The following GRM4 variants were observed in gnomAD, a reference collection of about 807,000 sequenced individuals.
GRM4 encodes glutamate metabotropic receptor 4, also known as metabotropic glutamate receptor 4.
In GRM4, 28 loss-of-function variants were observed where a neutral mutation model predicts 81.7. The observed-to-expected ratio is 0.34, with a 90% CI of 0.25 to 0.47. The LOEUF (loss-of-function observed/expected upper bound fraction) is 0.47, where lower values mean the gene tolerates loss of function less well. Ranked by LOEUF, GRM4 falls within the 20% of genes least tolerant of loss-of-function variation. GRM4 has a pLI of 1.00. For synonymous variants in GRM4, 488 were observed against 528.8 expected, an observed-to-expected ratio of 0.92 and a Z score of 1.06; for missense variants, 948 against 1,290.0, an observed-to-expected ratio of 0.73 and a Z score of 4.06.
Position 34,114,953 on chromosome 6 carries a change from A to T in GRM4, c.519+18025T>A, listed in dbSNP as rs543490716. ...ATCAAATGGAATCCATTCAAAACAC[A>T]GCCCAGGAAGCATGTCCATTAAGAG... On this transcript the variant is annotated intron_variant, in intron 2 of 10. Transcript: ENST00000538487. The surrounding 1 kb of genome is among the most constrained non-coding windows in gnomAD (Gnocchi z 4.3). Among the ~76,000 whole-genome samples, 1 of 152,334 alleles carries T rather than the reference A, an allele frequency of 6.6e-6. No homozygotes were observed. The highest frequency in any genetic ancestry group is 1.9e-4 in the East Asian group (1 of 5,176).
intron 10 of GRM4, chr6:34,024,172 G>C (rs186809966): frequency 5.8e-5 from 9 of 156,124 alleles, no homozygotes; most frequent in Admixed American, 5.5e-4. Flanking sequence ...ACATGACTCT[G>C]AAGGACTAGG....
Position 34,028,112 on chromosome 6 carries a change from G to C in GRM4, c.2689+8C>G, listed in dbSNP as rs778578940. ...GCCCGAGAGGGCAGAACGGGGCCAG[G>C]CACTCACCTGGGGCCTCAAGGTTCT... On this transcript the variant is annotated splice_region_variant and intron_variant, in intron 10 of 10. Transcript: ENST00000538487. 3 of 1,608,172 alleles carry C rather than the reference G, an allele frequency of 1.9e-6. No homozygotes were observed. The highest frequency in any genetic ancestry group is 2.2e-5 in the South Asian group (2 of 90,626).
Position 34,040,243 on chromosome 6 carries a change from G to T in GRM4, c.1441C>A (p.Gln481Lys), listed in dbSNP as rs1429534307. ...TACTCGGCAGAATCGTTGCGCAGCT[G>T]GTATTGGTAGATGTCATAGCGCCCA... ...APGRYDIYQYQLRNDSAEYKV... is the reference protein window; with the variant it reads ...APGRYDIYQYKLRNDSAEYKV... Residue 481 changes from glutamine to lysine, a missense_variant, in exon 8 of 11, where the codon CAG becomes AAG. Coordinates refer to ENST00000538487, the MANE Select transcript of GRM4 (RefSeq NM_000841.4). 1 of 1,614,046 alleles carries T rather than the reference G, an allele frequency of 6.2e-7. No individual in the cohort carries two copies.
chr6:34,139,118 G>A (rs1770577750), intron 1 of GRM4, among the ~76,000 whole-genome samples: 1 of 152,226 alleles, frequency 6.6e-6, no homozygotes, highest in South Asian at 2.1e-4. Flanking sequence ...AGCACAGTGG[G>A]GGTCTGGCCC....
chr6:34,107,368 G>A (rs963710312), intron 2 of GRM4, among the ~76,000 whole-genome samples: 16 of 152,270 alleles, frequency 1.1e-4, no homozygotes, highest in African/African-American at 3.6e-4. Context: ...CCCTCTATGT[G>A]CCTGGCGCCA....
rs558431606 is a variant in GRM4, at chr6:34,069,204, ACG to A, written c.737-7178_737-7177del. On this transcript the variant is annotated intron_variant, in intron 3 of 10. Transcript: ENST00000538487. The surrounding 1 kb of genome is among the most constrained non-coding windows in gnomAD (Gnocchi z 6.4). ...CACACACACACACACACACACACAC[ACG>A]CACGCACACACGGCTCCTTCCTTCT... Among the ~76,000 whole-genome samples the A allele has an allele frequency of 0.15, 20,459 of 135,350 alleles. 1,813 individuals carry two copies. Among genetic ancestry groups the A allele is most frequent in the East Asian group, 0.35 (1,582 of 4,542 alleles). 88.8% of individuals were successfully genotyped at this position (135,350 alleles called of 152,430 possible).
intron 1 of GRM4, among the ~76,000 whole-genome samples, chr6:34,139,786 C>T (rs1485567484): frequency 1.3e-5 from 2 of 152,212 alleles, no homozygotes; most frequent in African/African-American, 2.4e-5. Context: ...ACTCGGACCT[C>T]GCACTGAATT....
chr6:34,125,037 T>C (rs189517894), intron 2 of GRM4, among the ~76,000 whole-genome samples: 1 of 151,982 alleles, frequency 6.6e-6, no homozygotes, highest in Non-Finnish European at 1.5e-5. Context: ...GCGGTGGCGC[T>C]ATCTCTGCTC....
At chr6:34,096,920 G>GTGTGTGTGTGTGTGTC (rs1320224525) in intron 2 of GRM4, among the ~76,000 whole-genome samples, 1 of 131,346 alleles carries the variant, frequency 7.6e-6, no homozygotes. Flanking sequence ...ATCTGAGTGT[G>GTGTGTGTGTGTGTGTC]TGTGTGTGTG....
chr6:34,073,529 A>G (rs2499689), intron 3 of GRM4, among the ~76,000 whole-genome samples: 13,894 of 151,624 alleles, frequency 0.092, 1,262 homozygotes, highest in African/African-American at 0.23. Flanking sequence ...CAGAGTCACA[A>G]ATACACCACA....
Position 34,152,516 on chromosome 6 carries a change from G to C in GRM4, c.312+2563C>G, listed in dbSNP as rs1771065545. On this transcript the variant is annotated intron_variant, in intron 1 of 8. Transcript: ENST00000374177. This position sits in a 1 kb window ranked among gnomAD's most constrained non-coding sequence, Gnocchi z 4.1. The stretch of plus-strand genomic sequence containing the variant: ...CCTCGAAGGAGGCAGCAGCATTTCT[G>C]CAAACACCCCTTGTCCTCCTCCTCC... 6.6e-6 allele frequency among the ~76,000 whole-genome samples: 1 copy of C among 152,072 alleles called. No homozygotes were observed. Among genetic ancestry groups the C allele is most frequent in the African/African-American group, 2.4e-5 (1 of 41,402 alleles).
exon 1 of GRM4, chr6:34,155,458 C>T (rs541383493): frequency 6.8e-5 from 68 of 1,006,794 alleles, no homozygotes; most frequent in Non-Finnish European, 8.5e-5. Flanking sequence ...CCTCGACGCA[C>T]ATTGGAGTTA....
chr6:34,067,270 A>G (rs1023872418), intron 3 of GRM4, among the ~76,000 whole-genome samples: 5 of 152,048 alleles, frequency 3.3e-5, no homozygotes, highest in African/African-American at 1.2e-4. Flanking sequence ...CCCAGCTGAC[A>G]TAACTGTGTC....
chr6:34,099,761 G>C (rs1429269761), intron 2 of GRM4, among the ~76,000 whole-genome samples: 1 of 152,196 alleles, frequency 6.6e-6, no homozygotes, highest in African/African-American at 2.4e-5. Flanking sequence ...ATGGCGGGGG[G>C]CACCTGGGCA....
chr6:34,109,802 G>C (rs1421627461), intron 2 of GRM4, among the ~76,000 whole-genome samples: 2 of 152,116 alleles, frequency 1.3e-5, no homozygotes, highest in Non-Finnish European at 1.5e-5. Context: ...CAGGCTTTCA[G>C]GATACTGAGC....
At chr6:34,091,595 A>C in intron 3 of GRM4, 2 of 442,448 alleles carry the variant, frequency 4.5e-6, no homozygotes, top group Non-Finnish European at 4.1e-6. Flanking sequence ...CTCTGCTGTG[A>C]GGAGAGCGGC....
intron 1 of GRM4, among the ~76,000 whole-genome samples, chr6:34,134,320 T>C (rs1770368018): frequency 6.6e-6 from 1 of 152,148 alleles, no homozygotes; most frequent in Non-Finnish European, 1.5e-5. Context: ...CAGATAAAGC[T>C]TGGACAATGC....
chr6:34,081,851 G>A (rs115160104), intron 3 of GRM4, among the ~76,000 whole-genome samples: 2,148 of 152,352 alleles, frequency 0.014, 13 homozygotes, highest in Non-Finnish European at 0.022. Flanking sequence ...GGGGGACTTG[G>A]AGTGCCAGGA....
rs183142226 is a variant in GRM4 at position 34,024,571 on chromosome 6, C to T, written c.2690-1701G>A. 580 of 439,274 alleles carry T rather than the reference C, an allele frequency of 1.3e-3. 8 individuals are homozygous for T. The highest frequency in any genetic ancestry group is 5.3e-3 in the South Asian group (333 of 62,842). The allele number at this position is 439,274 out of a possible 1,614,324, so 27.2% of individuals were successfully genotyped here. On this transcript the variant is annotated intron_variant, in intron 10 of 10. Transcript: ENST00000538487. ...CAACTATCAGTCTATCACATGTGGA[C>T]GAAGCAAACTGCTTGAGGATGGGGT...
Sources: gnomAD v4.1 joint callset for allele counts (sites outside exome capture counted in the v4.1 genomes callset) on GRCh38, gnomAD v4.1.1 for gene constraint, Gnocchi (gnomAD v3.1) non-coding constraint, MANE v1.5 for transcripts, NCBI Gene and HGNC (gene_info 2026-07-23, HGNC 2026-07-21) for gene names.